Variants in OPA3 observed in about 807,000 individuals in gnomAD.
OPA3 encodes the protein optic atrophy 3 protein.
Under a neutral mutation model 4.0 loss-of-function variants are expected in OPA3, and 6 were observed. The observed-to-expected ratio is 1.51, with a 90% CI of 0.83 to 2.99. The LOEUF is 2.99. Ranked by LOEUF, OPA3 falls within the 30% of genes most tolerant of loss-of-function variation. The pLI is 0.00. For missense variants in OPA3, 235 were observed against 256.2 expected, an observed-to-expected ratio of 0.92 and a Z score of 0.56; for synonymous variants, 105 against 117.1, an observed-to-expected ratio of 0.90 and a Z score of 0.67.
At chr19:45,534,560 C>CAA (rs71173177) in intron 1 of OPA3, among the ~76,000 whole-genome samples, 30,002 of 54,770 alleles carry the variant, frequency 0.55, 6,567 homozygotes, top group South Asian at 0.66. Context: ...AACTCTGTCC[C>CAA]AAAAAAAAAA....
chr19:45,566,191 CCAGGCTGGAGTGCAAAGGCGCAATCT>C, intron 1 of OPA3, among the ~76,000 whole-genome samples: 1 of 152,104 alleles, frequency 6.6e-6, no homozygotes, highest in Non-Finnish European at 1.5e-5. Flanking sequence ...GCTCTGTCGC[CCAGGCTGGAGTGCAAAGGCGCAATCT>C]CAGCTCACTG....
chr19:45,581,508 C>T (rs908759170), intron 1 of OPA3, among the ~76,000 whole-genome samples: 14 of 152,210 alleles, frequency 9.2e-5, no homozygotes, highest in Admixed American at 6.5e-4. Context: ...GCTCTGCCCA[C>T]TGTTGGGGGA....
chr19:45,557,175 G>C (rs1969433272), intron 1 of OPA3, among the ~76,000 whole-genome samples: 1 of 152,216 alleles, frequency 6.6e-6, no homozygotes, highest in Admixed American at 6.5e-5. Context: ...CAAGCATGGG[G>C]ATCTGGGCCA....
intron 1 of OPA3, among the ~76,000 whole-genome samples, chr19:45,536,233 AAAAAAAAAAAATT>A (rs1456506226): frequency 9.3e-5 from 14 of 150,498 alleles, no homozygotes; most frequent in African/African-American, 3.2e-4. Flanking sequence ...ATCTCAAAAA[AAAAAAAAAAAATT>A]AAAAAAAAAA....
At chr19:45,534,607 A>G (rs886360770) in intron 1 of OPA3, among the ~76,000 whole-genome samples, 1 of 149,860 alleles carries the variant, frequency 6.7e-6, no homozygotes. Flanking sequence ...CAATAGAACT[A>G]TCCATACTTT....
Position 45,550,739 on chromosome 19 carries a change from C to G in OPA3, c.*2775G>C, listed in dbSNP as rs144240983. ...TAAGCTCTGTACCCATTGTGGAGATCCACATGGTGGTTCAGGTACAGCCTC... is the reference window on the plus strand; with the variant it reads ...TAAGCTCTGTACCCATTGTGGAGATGCACATGGTGGTTCAGGTACAGCCTC... On this transcript the variant is annotated 3_prime_UTR_variant, in exon 2 of 2. Transcript: ENST00000263275. 5.1e-6 allele frequency: 5 copies of G among 985,962 alleles called. No individual in the cohort carries two copies. Among genetic ancestry groups the G allele is most frequent in the Non-Finnish European group, 6.0e-6 (5 of 830,036 alleles). The allele number at this position is 985,962 out of a possible 1,614,324, so 61.1% of individuals were successfully genotyped here.
intron 1 of OPA3, among the ~76,000 whole-genome samples, chr19:45,529,888 C>T (rs1162788123): frequency 6.6e-6 from 1 of 151,870 alleles, no homozygotes; most frequent in African/African-American, 2.4e-5. Context: ...TGCGCGCCAT[C>T]ATGCCTGGCT....
At chr19:45,542,360 G>A (rs1346451594), downstream of OPA3, among the ~76,000 whole-genome samples, 1 of 152,168 alleles carries the variant, frequency 6.6e-6, no homozygotes, top group Non-Finnish European at 1.5e-5. Context: ...ATTGTTTGGT[G>A]ATTTTGTCAT....
In OPA3 at chr19:45,553,452, G is replaced by A; in HGVS notation, c.*62C>T. 1.9e-6 allele frequency: 3 copies of A among 1,606,050 alleles called. No homozygotes were observed. The highest frequency in any genetic ancestry group is 2.5e-6 in the Non-Finnish European group (3 of 1,179,806). On this transcript the variant is annotated 3_prime_UTR_variant, in exon 2 of 2. Coordinates refer to ENST00000263275, the MANE Select transcript of OPA3 (RefSeq NM_025136.4). ...GGGCCAGCGCAGGCAAGGGTGGTGC[G>A]GGAAGAAGGCCACGTTAGGTACATA...
chr19:45,532,201 A>G (rs1969067634), intron 1 of OPA3, among the ~76,000 whole-genome samples: 1 of 152,206 alleles, frequency 6.6e-6, no homozygotes, highest in Admixed American at 6.5e-5. Context: ...GGTGGGTGAC[A>G]TCATGTCACT....
chr19:45,570,981 G>C (rs1016781917), intron 1 of OPA3, among the ~76,000 whole-genome samples: 3 of 135,032 alleles, frequency 2.2e-5, no homozygotes, highest in South Asian at 2.7e-4. Flanking sequence ...AACTATTTGG[G>C]GGGGGGGGGC....
chr19:45,529,096 G>C (rs1057427467), exon 2 of OPA3: 8 of 1,599,894 alleles, frequency 5.0e-6, no homozygotes, highest in Non-Finnish European at 6.8e-6. Flanking sequence ...TGCAGGCGGC[G>C]GGTCTCGGAG....
chr19:45,573,077 A>G (rs1969712820), intron 1 of OPA3, among the ~76,000 whole-genome samples: 1 of 151,904 alleles, frequency 6.6e-6, no homozygotes, highest in South Asian at 2.1e-4. Context: ...TTCTCAGAGG[A>G]GAATGTATCA....
intron 1 of OPA3, among the ~76,000 whole-genome samples, chr19:45,557,582 T>G (rs1169759022): frequency 2.0e-5 from 3 of 152,180 alleles, no homozygotes; most frequent in South Asian, 2.1e-4. Flanking sequence ...TCAGCCCAGC[T>G]GTTCCCCTTC....
intron 1 of OPA3, among the ~76,000 whole-genome samples, chr19:45,569,452 C>CT (rs1332459760): frequency 6.6e-6 from 1 of 152,154 alleles, no homozygotes; most frequent in African/African-American, 2.4e-5. Context: ...GAGCAAGACT[C>CT]TGTCTCAAAA....
intron 1 of OPA3, among the ~76,000 whole-genome samples, chr19:45,572,288 GAT>G (rs1280779088): frequency 8.6e-6 from 1 of 115,936 alleles, no homozygotes; most frequent in Non-Finnish European, 1.8e-5. Flanking sequence ...TATATATATC[GAT>G]ATATATCTCA....
downstream of OPA3, among the ~76,000 whole-genome samples, chr19:45,545,844 C>T (rs1599956391): frequency 6.6e-6 from 1 of 151,298 alleles, no homozygotes; most frequent in Admixed American, 6.6e-5. Context: ...TCCCAAGTAG[C>T]TGGGACTACT....
chr19:45,552,848 G>C lies in OPA3; in HGVS notation c.*666C>G, dbSNP rs1462544052. 4.5e-5 allele frequency: 12 copies of C among 265,798 alleles called. No individual in the cohort carries two copies. Among genetic ancestry groups the C allele is most frequent in the Non-Finnish European group, 6.4e-5 (11 of 172,118 alleles). 16.5% of individuals were successfully genotyped at this position (265,798 alleles called of 1,614,324 possible). A position where few individuals can be genotyped will look rare whatever the true frequency, so the allele number is the denominator to read the frequency against. On this transcript the variant is annotated 3_prime_UTR_variant, in exon 2 of 2. Transcript: ENST00000263275. ...ACCCCACCACACCCGGCTAATTTTT[G>C]TATTTTTAGTAGAGACGGAGTTTCA...
chr19:45,578,284 T>C (rs1472245023), intron 1 of OPA3, among the ~76,000 whole-genome samples: 2 of 152,180 alleles, frequency 1.3e-5, no homozygotes, highest in African/African-American at 4.8e-5. Flanking sequence ...TACAAGATTC[T>C]GACCCTCCCT....
Sources: gnomAD v4.1 joint callset for allele counts (sites outside exome capture counted in the v4.1 genomes callset) on GRCh38, gnomAD v4.1.1 for gene constraint, MANE v1.5 for transcripts, NCBI Gene and HGNC (gene_info 2026-07-23, HGNC 2026-07-21) for gene names.